Variants in CLASP1 observed in about 807,000 individuals in gnomAD.
CLASP1 encodes the protein cytoplasmic linker associated protein 1.
A neutral mutation model predicts 192.3 loss-of-function variants in CLASP1; 38 were observed. The observed-to-expected ratio is 0.20, with a 90% CI of 0.15 to 0.26. CLASP1 has a LOEUF of 0.26. Among genes scored for constraint, CLASP1 ranks in the 10% least tolerant of loss-of-function variants. CLASP1 has a pLI of 1.00. For synonymous variants in CLASP1, 691 were observed against 712.8 expected, an observed-to-expected ratio of 0.97 and a Z score of 0.49; for missense variants, 1,433 against 1,932.5, an observed-to-expected ratio of 0.74 and a Z score of 4.85.
intron 13 of CLASP1, 48 bp from the exon 14 acceptor site, chr2:121,457,805 A>G: frequency 7.3e-7 from 1 of 1,378,562 alleles, no homozygotes; most frequent in Non-Finnish European, 1.0e-6. Context: ...AAATACAAAA[A>G]CAAAACAAAA....
intron 9 of CLASP1, among the ~76,000 whole-genome samples, chr2:121,464,788 T>G (rs2089152209): frequency 6.6e-6 from 1 of 152,118 alleles, no homozygotes; most frequent in Admixed American, 6.5e-5. Flanking sequence ...TTTCTCCCAT[T>G]TTGTAGGTTG....
chr2:121,448,881 T>G, intron 17 of CLASP1, 72 bp downstream of exon 17: 2 of 1,469,140 alleles, frequency 1.4e-6, no homozygotes, highest in Non-Finnish European at 9.3e-7. Context: ...ATAGCTAGAA[T>G]TTGTGTTTTC....
At chr2:121,477,063 T>A (rs1377961023) in intron 8 of CLASP1, among the ~76,000 whole-genome samples, 1 of 152,224 alleles carries the variant, frequency 6.6e-6, no homozygotes, top group Non-Finnish European at 1.5e-5. Flanking sequence ...CGGCTCTAAC[T>A]TGCGTGTACC....
chr2:121,636,025 G>C (rs950700343), intron 1 of CLASP1, among the ~76,000 whole-genome samples: 1 of 151,982 alleles, frequency 6.6e-6, no homozygotes, highest in African/African-American at 2.4e-5. Context: ...ATTATTATGA[G>C]ACCTTGTTTC....
At chr2:121,577,576 T>C (rs897212992) in intron 2 of CLASP1, among the ~76,000 whole-genome samples, 1 of 152,268 alleles carries the variant, frequency 6.6e-6, no homozygotes, top group Non-Finnish European at 1.5e-5. Flanking sequence ...GGTAATGTAT[T>C]AGGCAAGTTA....
intron 32 of CLASP1, among the ~76,000 whole-genome samples, chr2:121,385,927 C>G (rs1211593884): frequency 6.6e-6 from 1 of 152,158 alleles, no homozygotes; most frequent in Non-Finnish European, 1.5e-5. Context: ...CATGACAACA[C>G]AGACCAAATC....
chr2:121,481,068 G>A (rs995433608), intron 8 of CLASP1, among the ~76,000 whole-genome samples: 1 of 152,208 alleles, frequency 6.6e-6, no homozygotes, highest in African/African-American at 2.4e-5. Context: ...AATGAGGCCT[G>A]CATTGCTGGC....
intron 6 of CLASP1, among the ~76,000 whole-genome samples, chr2:121,522,122 G>T (rs2094471960): frequency 6.6e-6 from 1 of 152,196 alleles, no homozygotes; most frequent in African/African-American, 2.4e-5. Flanking sequence ...GTATGTCTGT[G>T]TATGTGTGTG....
chr2:121,387,008 T>C, intron 32 of CLASP1, 114 bp downstream of exon 33: 6 of 855,782 alleles, frequency 7.0e-6, no homozygotes, highest in Non-Finnish European at 1.1e-5. Flanking sequence ...CGGTTCTTGA[T>C]ACTCAATATT....
At chr2:121,420,665 C>T (rs892986456) in intron 22 of CLASP1, among the ~76,000 whole-genome samples, 1 of 152,172 alleles carries the variant, frequency 6.6e-6, no homozygotes, top group African/African-American at 2.4e-5. Flanking sequence ...TTGTCGTATT[C>T]CACTGCCCAC....
chr2:121,470,755 T>C (rs1407629086), intron 8 of CLASP1: 1 of 388,354 alleles, frequency 2.6e-6, no homozygotes, highest in South Asian at 2.0e-5. Flanking sequence ...GTGCCAAAAT[T>C]ATCAGAGAGG....
chr2:121,356,386 G>A (rs1291413960), intron 37 of CLASP1, among the ~76,000 whole-genome samples: 5 of 152,218 alleles, frequency 3.3e-5, no homozygotes, highest in African/African-American at 1.2e-4. Context: ...GATTTACAAC[G>A]GAGTGCCAGC....
At chr2:121,631,356 T>G (rs184228168) in intron 1 of CLASP1, among the ~76,000 whole-genome samples, 1 of 148,566 alleles carries the variant, frequency 6.7e-6, no homozygotes, top group Admixed American at 6.7e-5. Context: ...GGTACGATCT[T>G]GGCTCACTGC....
At chr2:121,377,310 AAATACC>A (rs1221947987) in intron 34 of CLASP1, among the ~76,000 whole-genome samples, 183 bp downstream of exon 35, 2 of 152,238 alleles carry the variant, frequency 1.3e-5, no homozygotes, top group East Asian at 3.8e-4. Flanking sequence ...ACATGTATCA[AAATACC>A]ACTTTGTATC....
chr2:121,396,819 A>G (rs960109724), intron 30 of CLASP1, among the ~76,000 whole-genome samples: 2 of 152,212 alleles, frequency 1.3e-5, no homozygotes, highest in Non-Finnish European at 2.9e-5. Flanking sequence ...CTAGATCTGC[A>G]ATTTTATCTT....
intron 2 of CLASP1, among the ~76,000 whole-genome samples, chr2:121,554,210 A>G (rs1450858361): frequency 6.6e-6 from 1 of 152,090 alleles, no homozygotes; most frequent in Non-Finnish European, 1.5e-5. Context: ...GCAAGACCCT[A>G]TCTCAAAAAA....
chr2:121,366,812 G>A (rs1001221539), intron 35 of CLASP1, among the ~76,000 whole-genome samples: 3 of 152,084 alleles, frequency 2.0e-5, no homozygotes, highest in African/African-American at 7.2e-5. Flanking sequence ...TAACATGAGA[G>A]GTGAAAAAAT....
intron 19 of CLASP1, among the ~76,000 whole-genome samples, chr2:121,439,881 C>T (rs2082979840): frequency 7.4e-6 from 1 of 135,800 alleles, no homozygotes; most frequent in Admixed American, 8.6e-5. Context: ...GGGAACTGAA[C>T]AATGAGATCA....
At chr2:121,552,741 G>A (rs1417935620) in intron 2 of CLASP1, among the ~76,000 whole-genome samples, 1 of 152,214 alleles carries the variant, frequency 6.6e-6, no homozygotes, top group Admixed American at 6.5e-5. Flanking sequence ...CACTGTTGGT[G>A]GGAGTGTAAA....
Sources: allele counts gnomAD v4.1 joint callset (sites outside exome capture counted in the v4.1 genomes callset), GRCh38; gene constraint gnomAD v4.1.1; transcripts MANE v1.5; gene names NCBI Gene and HGNC (gene_info 2026-07-23, HGNC 2026-07-21).